Variants in HOOK2 observed in about 807,000 individuals in gnomAD.
HOOK2 encodes hook microtubule tethering protein 2.
A neutral mutation model predicts 111.9 loss-of-function variants in HOOK2; 108 were observed. That is an observed-to-expected ratio of 0.96 (90% confidence interval 0.83 to 1.13). The LOEUF (loss-of-function observed/expected upper bound fraction) is 1.13, where lower values mean the gene tolerates loss of function less well. HOOK2 is among the 50% of genes most tolerant of loss of function. HOOK2 has a pLI of 0.00. For synonymous variants in HOOK2, 405 were observed against 394.3 expected, an observed-to-expected ratio of 1.03 and a Z score of -0.32; for missense variants, 978 against 951.3, an observed-to-expected ratio of 1.03 and a Z score of -0.37.
In HOOK2 at chr19:12,764,909, G is replaced by A. The variant is rs755990918; in HGVS notation, c.1732C>T (p.Arg578Trp). ...EPPTDSSTAR[R>W]IEELQHNLQK... ...AAGTTATGCTGCAGCTCCTCGATCC[G>A]CCGGGCTGCTGGCGGAAGAGGTGGC... The change falls in exon 20 of 23, where the codon CGG (arginine) becomes TGG (tryptophan). Residue 578 changes from arginine to tryptophan, a missense_variant. Arg to Trp is a moderately radical substitution (Grantham distance 101). Transcript: ENST00000397668. 4.8e-5 allele frequency: 77 copies of A among 1,614,138 alleles called. 1 individual carries two copies. The East Asian group carries it at 6.0e-4, about 13-fold the overall frequency.
chr19:12,777,876 A>T (rs1019833448), upstream of HOOK2, among the ~76,000 whole-genome samples: 1 of 152,280 alleles, frequency 6.6e-6, no homozygotes, highest in South Asian at 2.1e-4. Context: ...GTCACCATGT[A>T]TGGAGTGCTT....
intron 3 of HOOK2, among the ~76,000 whole-genome samples, chr19:12,789,309 C>A (rs1446601553): frequency 6.6e-6 from 1 of 151,980 alleles, no homozygotes; most frequent in Non-Finnish European, 1.5e-5. Context: ...TAACTGGAAG[C>A]CTGACCGTCT....
At chr19:12,769,751 G>A in intron 11 of HOOK2, 130 bp downstream of exon 11, 7 of 694,946 alleles carry the variant, frequency 1.0e-5, no homozygotes, top group Non-Finnish European at 1.5e-5. Context: ...GTGGGTGGAG[G>A]GAAGAGGCCC....
chr19:12,781,548 G>A (rs113278854), upstream of HOOK2, among the ~76,000 whole-genome samples: 7,372 of 151,922 alleles, frequency 0.049, 643 homozygotes, highest in African/African-American at 0.17. Context: ...GGATGGTCTC[G>A]ATCTCCAGAC....
rs184836332 is a variant in HOOK2 at position 12,786,760 on chromosome 19, C to T, written n.42-12535G>A. ...CTCCCTGTCTGGCCCAATCTCCACC[C>T]CGTGCTCAAACACCCATGCAGAGTG... On this transcript the variant is annotated intron_variant and non_coding_transcript_variant, in intron 3 of 3. Coordinates refer to the HOOK2 transcript ENST00000589765. This position sits in a 1 kb window ranked among gnomAD's most constrained non-coding sequence, Gnocchi z 4.3. Among the ~76,000 whole-genome samples the T allele has an allele frequency of 1.3e-5, 2 of 152,334 alleles. No homozygotes were observed. The highest frequency in any genetic ancestry group is 1.3e-4 in the Admixed American group (2 of 15,310).
chr19:12,788,060 A>C (rs1301050448), intron 3 of HOOK2, among the ~76,000 whole-genome samples: 1 of 151,502 alleles, frequency 6.6e-6, no homozygotes, highest in Non-Finnish European at 1.5e-5. Flanking sequence ...ATCTCAAAAA[A>C]CAAACAAACA....
chr19:12,772,128 A>G (rs925644944), intron 7 of HOOK2, 62 bp downstream of exon 7: 17 of 1,269,588 alleles, frequency 1.3e-5, no homozygotes, highest in African/African-American at 3.0e-5. Context: ...CTTATCCCCA[A>G]CTCCCGGCCT....
At chr19:12,769,122 C>T (rs1437766935) in intron 11 of HOOK2, among the ~76,000 whole-genome samples, 1 of 151,774 alleles carries the variant, frequency 6.6e-6, no homozygotes, top group African/African-American at 2.4e-5. Flanking sequence ...CCCACCACCA[C>T]GCCCGGCTAA....
chr19:12,776,377 C>A (rs1297856316), upstream of HOOK2, among the ~76,000 whole-genome samples: 1 of 150,564 alleles, frequency 6.6e-6, no homozygotes, highest in Non-Finnish European at 1.5e-5. Context: ...AGACCAGCCT[C>A]TCTTCAAAAA....
chr19:12,783,806 G>A (rs1351245072), intron 3 of HOOK2, among the ~76,000 whole-genome samples: 1 of 152,172 alleles, frequency 6.6e-6, no homozygotes, highest in East Asian at 1.9e-4. Context: ...CTCAGGCCTG[G>A]GTGTCAGGGT....
At chr19:12,782,890 C>CG (rs895680003), upstream of HOOK2, among the ~76,000 whole-genome samples, 3 of 151,876 alleles carry the variant, frequency 2.0e-5, no homozygotes, top group Admixed American at 6.6e-5. Flanking sequence ...CTGAGACCCC[C>CG]CCCCCAGTTG....
chr19:12,780,215 C>A (rs1968585130), upstream of HOOK2, among the ~76,000 whole-genome samples: 1 of 152,126 alleles, frequency 6.6e-6, no homozygotes, highest in African/African-American at 2.4e-5. Flanking sequence ...CTAGTGTGTG[C>A]CCCTGTGTAT....
At chr19:12,780,652 GC>G (rs1968591199), upstream of HOOK2, among the ~76,000 whole-genome samples, 1 of 116,476 alleles carries the variant, frequency 8.6e-6, no homozygotes, top group East Asian at 2.6e-4. Flanking sequence ...ACCGCGCCCG[GC>G]CTTTTTTTTT....
Position 12,775,460 on chromosome 19 carries a change from C to T in HOOK2, c.-11G>A, listed in dbSNP as rs1224339261. On this transcript the variant is annotated 5_prime_UTR_variant, in exon 1 of 23. Transcript: ENST00000397668. Reference sequence around the variant, plus strand: ...TTTGTCCACGCTCATGGCTCCCGATCGGATTCAATCCAGGCCACGGAGCCC... The same window carrying T: ...TTTGTCCACGCTCATGGCTCCCGATTGGATTCAATCCAGGCCACGGAGCCC... 6 of 1,610,956 alleles carry T rather than the reference C, an allele frequency of 3.7e-6. No individual in the cohort carries two copies. The highest frequency in any genetic ancestry group is 2.2e-5 in the South Asian group (2 of 90,768).
intron 3 of HOOK2, among the ~76,000 whole-genome samples, chr19:12,785,306 A>G (rs1400444419): frequency 6.6e-6 from 1 of 151,878 alleles, no homozygotes; most frequent in Admixed American, 6.6e-5. Flanking sequence ...TCACACACAC[A>G]CACACACACC....
chr19:12,763,013 C>T lies in HOOK2; in HGVS notation c.*269G>A, dbSNP rs181467353. On this transcript the variant is annotated 3_prime_UTR_variant, in exon 23 of 23. Coordinates refer to ENST00000397668, the MANE Select transcript of HOOK2 (RefSeq NM_013312.3). ...CAGAGCACAGCCAGGGCAGATTGAA[C>T]GCCTTTATTTTTCTCAAATATAAAA... The T allele has an allele frequency of 1.4e-3, 587 of 434,250 alleles. No homozygotes were observed. The highest frequency in any genetic ancestry group is 3.0e-3 in the African/African-American group (152 of 49,888). 26.9% of individuals were successfully genotyped at this position (434,250 alleles called of 1,614,324 possible).
chr19:12,766,389 G>A, intron 14 of HOOK2, 149 bp from the exon 15 acceptor site: 1 of 983,796 alleles, frequency 1.0e-6, no homozygotes, highest in South Asian at 1.8e-5. Flanking sequence ...ACCTACTACG[G>A]GTTCAGGTTC....
chr19:12,780,808 C>T (rs1291322134), upstream of HOOK2, among the ~76,000 whole-genome samples: 18 of 136,354 alleles, frequency 1.3e-4, no homozygotes, highest in East Asian at 2.0e-3. Context: ...GAAACCCCGT[C>T]TCTACCAAAA....
rs1968699275 is a variant in HOOK2 at position 12,790,340 on chromosome 19, G to C, written n.42-16115C>G. 6.6e-6 allele frequency among the ~76,000 whole-genome samples: 1 copy of C among 152,182 alleles called. No individual in the cohort carries two copies. The highest frequency in any genetic ancestry group is 1.5e-5 in the Non-Finnish European group (1 of 68,030). ...CCCCGGGGCTGTTGCCACACTTCCT[G>C]CCTCTGCGCTCTTTCCCCAGCCTGT... On this transcript the variant is annotated intron_variant and non_coding_transcript_variant, in intron 3 of 3. Coordinates refer to the HOOK2 transcript ENST00000589765. The surrounding 1 kb of genome is among the most constrained non-coding windows in gnomAD (Gnocchi z 7.2).
Sources: gnomAD v4.1 joint callset for allele counts (sites outside exome capture counted in the v4.1 genomes callset) on GRCh38, gnomAD v4.1.1 for gene constraint, Gnocchi (gnomAD v3.1) non-coding constraint, MANE v1.5 for transcripts, NCBI Gene and HGNC (gene_info 2026-07-23, HGNC 2026-07-21) for gene names.